HLA-DQA2: variants seen among roughly 807,000 people sequenced by gnomAD.
The protein encoded by HLA-DQA2 is major histocompatibility complex, class II, DQ alpha 2.
In HLA-DQA2, 17 loss-of-function variants were observed where a neutral mutation model predicts 21.0. The ratio of observed to expected loss-of-function variants is 0.81; its 90% CI spans 0.56 to 1.22. HLA-DQA2 has a LOEUF of 1.22. Among genes scored for constraint, HLA-DQA2 ranks in the 50% most tolerant of loss-of-function variants. The probability of loss-of-function intolerance (pLI) is 0.00; values close to 1 mark genes in which losing one functional copy is unlikely to be tolerated. For synonymous variants in HLA-DQA2, 81 were observed against 116.5 expected (o/e 0.70, Z 1.96); for missense variants, 239 against 308.8 (o/e 0.77, Z 1.69).
rs1274702166 is a variant in HLA-DQA2, at chr6:32,741,410, G to A, written c.-34G>A. 1 of 1,605,594 alleles carries A rather than the reference G, an allele frequency of 6.2e-7. No individual in the cohort carries two copies. The highest frequency in any genetic ancestry group is 8.5e-7 in the Non-Finnish European group (1 of 1,174,386). ...GTCCTCACAATTGCTCTACAGCTCA[G>A]AGCAGCAACTGCTGAGGCTGCCTTG... On this transcript the variant is annotated 5_prime_UTR_variant, in exon 1 of 5. Coordinates refer to ENST00000374940, the MANE Select transcript of HLA-DQA2 (RefSeq NM_020056.5).
intron 2 of HLA-DQA2, 128 bp downstream of exon 2, chr6:32,745,535 T>TA: frequency 9.6e-7 from 1 of 1,042,140 alleles, no homozygotes; most frequent in Non-Finnish European, 1.4e-6. Context: ...CTCCCATCTC[T>TA]AAAATCACAT....
At chr6:32,742,560 T>C (rs1763281642) in intron 1 of HLA-DQA2, among the ~76,000 whole-genome samples, 1 of 152,186 alleles carries the variant, frequency 6.6e-6, no homozygotes, top group African/African-American at 2.4e-5. Flanking sequence ...GAAAGTCAAA[T>C]AGTTAAAAGG....
At chr6:32,742,978 G>A (rs999970155) in intron 1 of HLA-DQA2, among the ~76,000 whole-genome samples, 1 of 141,508 alleles carries the variant, frequency 7.1e-6, no homozygotes, top group Admixed American at 7.4e-5. Context: ...CCATTCTCCT[G>A]CCTCAGCCTC....
In HLA-DQA2 at chr6:32,742,468, T is replaced by A. The variant is rs186999302; in HGVS notation, c.82+943T>A. 2.7e-3 allele frequency among the ~76,000 whole-genome samples: 413 copies of A among 152,312 alleles called. 1 individual carries two copies. Among genetic ancestry groups the A allele is most frequent in the African/African-American group, 9.1e-3 (378 of 41,556 alleles). Reference sequence around the variant, plus strand: ...TCCCACCTCTCTTCATGCATCCCTTTCTCCCTCTTCCCTTTCAGGATCCAT... The same window carrying A: ...TCCCACCTCTCTTCATGCATCCCTTACTCCCTCTTCCCTTTCAGGATCCAT... On this transcript the variant is annotated intron_variant, in intron 1 of 4. Transcript: ENST00000374940.
At position 32,745,141 on chromosome 6, in the gene HLA-DQA2, G is replaced by A; in HGVS notation, c.83-18G>A. 3 of 1,610,122 alleles carry A rather than the reference G, an allele frequency of 1.9e-6. No homozygotes were observed. ...CTCCCTGTGTTCCACCCTCCTGCTT[G>A]TCACCTTCACTCGTCAGCTGACCAT... On this transcript the variant is annotated intron_variant, in intron 1 of 4. Coordinates refer to ENST00000374940, the MANE Select transcript of HLA-DQA2 (RefSeq NM_020056.5).
At chr6:32,742,990 C>A (rs112501123) in intron 1 of HLA-DQA2, among the ~76,000 whole-genome samples, 8,445 of 141,510 alleles carry the variant, frequency 0.06, 986 homozygotes, top group African/African-American at 0.19. Context: ...CTCAGCCTCC[C>A]GAGTAGCTGG....
At chr6:32,741,644 A>AG in intron 1 of HLA-DQA2, 119 bp downstream of exon 1, 2 of 968,406 alleles carry the variant, frequency 2.1e-6, no homozygotes, top group Non-Finnish European at 3.2e-6. Context: ...CAATATTAAG[A>AG]AATTTTAAAA....
At chr6:32,741,554 G>C in intron 1 of HLA-DQA2, 29 bp downstream of exon 1, 1 of 1,600,304 alleles carries the variant, frequency 6.2e-7, no homozygotes, top group Non-Finnish European at 8.6e-7. Flanking sequence ...AATGTTCTCT[G>C]GAGCTGAAAA....
At chr6:32,743,799 A>C (rs2213568) in intron 1 of HLA-DQA2, among the ~76,000 whole-genome samples, 92,886 of 151,914 alleles carry the variant, frequency 0.61, 28,722 homozygotes, top group East Asian at 0.71. Flanking sequence ...GGAGGAGGAA[A>C]AGACAAACTT....
chr6:32,743,827 G>A (rs1362114332), intron 1 of HLA-DQA2, among the ~76,000 whole-genome samples: 1 of 151,112 alleles, frequency 6.6e-6, no homozygotes, highest in Non-Finnish European at 1.5e-5. Context: ...CAGACATTGA[G>A]ATTCCATTGA....
chr6:32,746,744 T>C lies in HLA-DQA2; in HGVS notation c.*183T>C, dbSNP rs1763628273. On this transcript the variant is annotated 3_prime_UTR_variant, in exon 5 of 5. Coordinates refer to ENST00000374940, the MANE Select transcript of HLA-DQA2 (RefSeq NM_020056.5). The stretch of plus-strand genomic sequence containing the variant: ...TTCCCTCAGAGCTCACAAATGCCTT[T>C]CAATTCTTTCCCTGACCTCCTTTCC... 1.9e-6 allele frequency: 1 copy of C among 531,260 alleles called. No individual in the cohort carries two copies. The highest frequency in any genetic ancestry group is 3.6e-6 in the Non-Finnish European group (1 of 279,918). The allele number at this position is 531,260 out of a possible 1,614,324, so 32.9% of individuals were successfully genotyped here.
chr6:32,743,413 G>A (rs1015862008), intron 1 of HLA-DQA2, among the ~76,000 whole-genome samples: 1 of 152,196 alleles, frequency 6.6e-6, no homozygotes, highest in African/African-American at 2.4e-5. Context: ...ACACATGTTT[G>A]AGCACACAAT....
chr6:32,746,925 G>T lies in HLA-DQA2; in HGVS notation c.*364G>T. ...TGAATTTTTCCCATCTTTCATCTCA[G>T]GGCTGACTGAGAGCATAACTTAGAA... On this transcript the variant is annotated 3_prime_UTR_variant, in exon 5 of 5. Coordinates refer to ENST00000374940, the MANE Select transcript of HLA-DQA2 (RefSeq NM_020056.5). 3.0e-6 allele frequency: 1 copy of T among 331,332 alleles called. No individual in the cohort carries two copies. The highest frequency in any genetic ancestry group is 6.0e-6 in the Non-Finnish European group (1 of 167,932). The allele number at this position is 331,332 out of a possible 1,614,324, so 20.5% of individuals were successfully genotyped here.
rs142101038 is a variant in HLA-DQA2, at chr6:32,745,057, T to G, written c.83-102T>G. The G allele has an allele frequency of 3.9e-5, 54 of 1,373,214 alleles. No individual in the cohort carries two copies. The East Asian group carries it at 1.1e-3, about 29-fold the overall frequency. The allele number at this position is 1,373,214 out of a possible 1,614,324, so 85.1% of individuals were successfully genotyped here. ...GATTGTTCAGGGACTGTGCCAAAGATGAAGCCCATAATATTTGAAAGTGAG... is the reference window on the plus strand; with the variant it reads ...GATTGTTCAGGGACTGTGCCAAAGAGGAAGCCCATAATATTTGAAAGTGAG... On this transcript the variant is annotated intron_variant, in intron 1 of 4. Coordinates refer to ENST00000374940, the MANE Select transcript of HLA-DQA2 (RefSeq NM_020056.5).
chr6:32,742,915 G>T (rs9469264), intron 1 of HLA-DQA2, among the ~76,000 whole-genome samples: 49,949 of 140,414 alleles, frequency 0.36, 10,188 homozygotes, highest in East Asian at 0.59. Context: ...GCCCAGGCTG[G>T]AGTGCAGTGG....
Position 32,746,316 on chromosome 6 carries a change from G to A in HLA-DQA2, c.690G>A (p.Met230Ile), listed in dbSNP as rs1430792670. The change falls in exon 4 of 5, where the codon ATG (methionine) becomes ATA (isoleucine). Residue 230 changes from methionine (M) to isoleucine (I), a missense_variant. Physicochemically the swap from Met to Ile is conservative, Grantham distance 10. Coordinates refer to ENST00000374940, the MANE Select transcript of HLA-DQA2 (RefSeq NM_020056.5). The stretch of plus-strand genomic sequence containing the variant: ...CCCTGGGGTTGTCTGTGGGCCTCAT[G>A]GGCATTGTGGTGGGCACTGTCTTCA... ...VCALGLSVGL[M>I]GIVVGTVFII... The A allele has an allele frequency of 1.2e-6, 2 of 1,613,106 alleles. No individual in the cohort carries two copies. The highest frequency in any genetic ancestry group is 1.7e-6 in the Non-Finnish European group (2 of 1,180,040).
In HLA-DQA2 at chr6:32,746,012, G is replaced by A; in HGVS notation, c.553G>A (p.Glu185Lys). ...SYLTFLPSAD[E>K]IYDCKVEHWG... is the part of the protein sequence containing the mutation. Reference sequence around the variant, plus strand: ...CCTCACCTTCCTCCCTTCTGCTGATGAGATTTATGACTGCAAGGTGGAGCA... The same window carrying A: ...CCTCACCTTCCTCCCTTCTGCTGATAAGATTTATGACTGCAAGGTGGAGCA... Residue 185 changes from glutamate (E) to lysine (K), a missense_variant, in exon 3 of 5, where the codon GAG becomes AAG. Glu to Lys is a moderately conservative substitution (Grantham distance 56). Coordinates refer to ENST00000374940, the MANE Select transcript of HLA-DQA2 (RefSeq NM_020056.5). 1.2e-6 allele frequency: 2 copies of A among 1,612,642 alleles called. No homozygotes were observed. The highest frequency in any genetic ancestry group is 8.5e-7 in the Non-Finnish European group (1 of 1,179,942).
chr6:32,745,987 C>A lies in HLA-DQA2; in HGVS notation c.528C>A (p.Tyr176Ter), dbSNP rs1763556773. 1.2e-6 allele frequency: 2 copies of A among 1,613,030 alleles called. No individual in the cohort carries two copies. The highest frequency in any genetic ancestry group is 3.3e-5 in the Admixed American group (2 of 60,012). ...ATCATTCCTTCTTCAAGATCAGTTA[C>A]CTCACCTTCCTCCCTTCTGCTGATG... ...KSDHSFFKIS[Y>*]LTFLPSADEI... Residue 176 changes from tyrosine to a stop codon, truncating the protein, a stop_gained, in exon 3 of 5, where the codon TAC becomes TAA. Coordinates refer to ENST00000374940, the MANE Select transcript of HLA-DQA2 (RefSeq NM_020056.5). LOFTEE classifies it high-confidence loss of function.
chr6:32,746,197 G>A, intron 3 of HLA-DQA2, 43 bp from the exon 4 acceptor site: 1 of 1,601,560 alleles, frequency 6.2e-7, no homozygotes, highest in Non-Finnish European at 8.5e-7. Context: ...ACATGCACAT[G>A]AGCACACTGC....
Sources: gnomAD v4.1 joint callset for allele counts (sites outside exome capture counted in the v4.1 genomes callset) on GRCh38, gnomAD v4.1.1 for gene constraint, MANE v1.5 for transcripts, NCBI Gene and HGNC (gene_info 2026-07-23, HGNC 2026-07-21) for gene names.